TRDN: variants seen among roughly 807,000 people sequenced by gnomAD.
TRDN encodes triadin in skeletal muscle.
Under a neutral mutation model 149.7 loss-of-function variants are expected in TRDN, and 161 were observed. The ratio of observed to expected loss-of-function variants is 1.08; its 90% CI spans 0.95 to 1.23. The LOEUF (loss-of-function observed/expected upper bound fraction) is 1.23. Ranked by LOEUF, TRDN falls within the 50% of genes most tolerant of loss-of-function variation. TRDN has a pLI of 0.00. For missense variants in TRDN, 896 were observed against 823.5 expected (o/e 1.09, Z -1.08); for synonymous variants, 294 against 250.5 (o/e 1.17, Z -1.64).
At chr6:123,400,167 G>GTATGTATATATATATATATA (rs1554232310) in intron 12 of TRDN, among the ~76,000 whole-genome samples, 8 of 123,396 alleles carry the variant, frequency 6.5e-5, no homozygotes, top group African/African-American at 2.4e-4. Flanking sequence ...ATATGTATGT[G>GTATGTATATATATATATATA]TATATATATA....
Position 123,293,993 on chromosome 6 carries a change from T to C in TRDN, c.1511-14911A>G, listed in dbSNP as rs150405311. The stretch of plus-strand genomic sequence containing the variant: ...GGCTTTGTCTACCATAAGTCAATCC[T>C]AAGGAGCTTGACTCAAACCCTAGAA... On this transcript the variant is annotated intron_variant, in intron 24 of 40. Coordinates refer to ENST00000334268, the MANE Select transcript of TRDN (RefSeq NM_006073.4). 4.1e-3 allele frequency among the ~76,000 whole-genome samples: 629 copies of C among 152,216 alleles called. 5 individuals carry two copies. The highest frequency in any genetic ancestry group is 0.014 in the African/African-American group (602 of 41,532).
rs534119771 is a variant in TRDN at position 123,585,797 on chromosome 6, T to C, written c.23-14665A>G. Among the ~76,000 whole-genome samples, 865 of 152,134 alleles carry C rather than the reference T, an allele frequency of 5.7e-3. 1 individual carries two copies. Among genetic ancestry groups the C allele is most frequent in the Non-Finnish European group, 9.5e-3 (645 of 67,988 alleles). On this transcript the variant is annotated intron_variant, in intron 1 of 40. Transcript: ENST00000334268. ...GTTCTGGAGGAACGCCTGCCCGCTG[T>C]GGTTCAGGCATTTGGAAGTTCTTGT...
chr6:123,511,235 C>T (rs1296982497), intron 7 of TRDN, among the ~76,000 whole-genome samples: 1 of 152,066 alleles, frequency 6.6e-6, no homozygotes, highest in Non-Finnish European at 1.5e-5. Flanking sequence ...AGAGACTGTC[C>T]TTTCCTCAAT....
At chr6:123,391,790 C>A (rs1000311607) in intron 13 of TRDN, among the ~76,000 whole-genome samples, 1 of 151,918 alleles carries the variant, frequency 6.6e-6, no homozygotes, top group Admixed American at 6.6e-5. Context: ...TTTTACCATG[C>A]CACAAAGATC....
intron 26 of TRDN, among the ~76,000 whole-genome samples, chr6:123,277,283 C>G (rs1777401778): frequency 6.6e-6 from 1 of 152,028 alleles, no homozygotes; most frequent in Non-Finnish European, 1.5e-5. Context: ...GACTTAGAAC[C>G]ATGCTAGAAT....
At chr6:123,634,761 AC>A (rs947120628) in intron 1 of TRDN, among the ~76,000 whole-genome samples, 4 of 137,362 alleles carry the variant, frequency 2.9e-5, no homozygotes, top group Non-Finnish European at 4.4e-5. Context: ...ATTCCAGAAA[AC>A]AAAAAAAAAT....
intron 20 of TRDN, among the ~76,000 whole-genome samples, chr6:123,356,602 G>A (rs1232499116): frequency 6.9e-6 from 1 of 144,742 alleles, no homozygotes; most frequent in Non-Finnish European, 1.5e-5. Context: ...CCCATATAAT[G>A]AGAGAATATT....
intron 38 of TRDN, among the ~76,000 whole-genome samples, chr6:123,243,404 C>A (rs1277493678): frequency 6.6e-6 from 1 of 152,044 alleles, no homozygotes; most frequent in Admixed American, 6.6e-5. Context: ...CAAAGAAATA[C>A]AATAATTGTC....
chr6:123,578,306 T>C (rs1218653744), intron 1 of TRDN, among the ~76,000 whole-genome samples: 1 of 152,212 alleles, frequency 6.6e-6, no homozygotes, highest in Non-Finnish European at 1.5e-5. Context: ...AGTTGATTTT[T>C]GTATAAGGTG....
intron 33 of TRDN, 28 bp from the exon 34 acceptor site, chr6:123,260,666 A>G: frequency 7.2e-7 from 1 of 1,387,530 alleles, no homozygotes. Context: ...AAAAGAATGT[A>G]GAAAGAAAGG....
intron 24 of TRDN, among the ~76,000 whole-genome samples, chr6:123,301,002 T>C (rs1203413648): frequency 1.3e-5 from 2 of 151,958 alleles, no homozygotes; most frequent in Non-Finnish European, 2.9e-5. Flanking sequence ...TGGGCTCTTA[T>C]TGTGTGCCAG....
rs368958188 is a variant in TRDN, at chr6:123,378,623, C to T, written c.1187-725G>A. Among the ~76,000 whole-genome samples the T allele has an allele frequency of 1.1e-3, 162 of 152,182 alleles. 2 individuals are homozygous for T. The South Asian group carries it at 0.025, about 24-fold the overall frequency. On this transcript the variant is annotated intron_variant, in intron 16 of 40. Coordinates refer to ENST00000334268, the MANE Select transcript of TRDN (RefSeq NM_006073.4). ...TGAGCCACAGCACCGCAGCTTATTG[C>T]AGTTATTTTAAAATAATTCTCAGAA...
intron 9 of TRDN, among the ~76,000 whole-genome samples, chr6:123,472,113 G>A (rs1170054484): frequency 6.6e-6 from 1 of 152,208 alleles, no homozygotes; most frequent in Non-Finnish European, 1.5e-5. Flanking sequence ...CCAGTCTACA[G>A]CTCCCAGCGT....
At chr6:123,622,183 G>A (rs1402561591) in intron 1 of TRDN, among the ~76,000 whole-genome samples, 2 of 151,866 alleles carry the variant, frequency 1.3e-5, no homozygotes, top group Admixed American at 6.6e-5. Context: ...TGAAATTGAA[G>A]GTCTTTATGA....
At chr6:123,396,750 C>A (rs370364857) in intron 12 of TRDN, among the ~76,000 whole-genome samples, 2 of 152,212 alleles carry the variant, frequency 1.3e-5, no homozygotes, top group African/African-American at 4.8e-5. Context: ...GAAAAGATAT[C>A]ATTAGTCTGC....
At chr6:123,619,662 C>T (rs1026755177) in intron 1 of TRDN, among the ~76,000 whole-genome samples, 1 of 152,142 alleles carries the variant, frequency 6.6e-6, no homozygotes, top group African/African-American at 2.4e-5. Context: ...AAGAAGAACA[C>T]ATGAGATGGG....
chr6:123,459,922 T>C (rs1438041802), intron 10 of TRDN, among the ~76,000 whole-genome samples: 1 of 152,200 alleles, frequency 6.6e-6, no homozygotes, highest in Non-Finnish European at 1.5e-5. Context: ...CTCTTTAAAA[T>C]GACATAAATC....
rs878945226 is a variant in TRDN at position 123,636,624 on chromosome 6, T to C, written c.22+130A>G. 2.0e-5 allele frequency: 21 copies of C among 1,033,116 alleles called. 1 individual carries two copies. The South Asian group carries it at 3.0e-4, about 15-fold the overall frequency. 64.0% of individuals were successfully genotyped at this position (1,033,116 alleles called of 1,614,324 possible). ...GCTCCTAAATCCACTTCTCAGATCC[T>C]GTATAGAATCATTGACCAAGGCAAT... On this transcript the variant is annotated intron_variant, in intron 1 of 40. Transcript: ENST00000334268.
intron 10 of TRDN, chr6:123,464,667 G>T (rs1234139708): frequency 3.9e-5 from 50 of 1,285,594 alleles, no homozygotes; most frequent in Non-Finnish European, 4.7e-5. Context: ...TTCCCAAAGT[G>T]CTAGAGTGGG....
Sources: gnomAD v4.1 joint callset for allele counts (sites outside exome capture counted in the v4.1 genomes callset) on GRCh38, gnomAD v4.1.1 for gene constraint, MANE v1.5 for transcripts, NCBI Gene and HGNC (gene_info 2026-07-23, HGNC 2026-07-21) for gene names.